BLTP3B: variants seen among roughly 807,000 people sequenced by gnomAD.
The protein encoded by BLTP3B is UHRF1 (ICBP90) binding protein 1-like.
the BLTP3B span, chr12:100,060,019 T>G: frequency 6.2e-7 from 1 of 1,605,290 alleles, no homozygotes; most frequent in Non-Finnish European, 8.5e-7. Flanking sequence ...TGCATTCAGC[T>G]GGCTATAGAG....
At chr12:100,053,362 C>A in the BLTP3B span, among the ~76,000 whole-genome samples, 1 of 151,944 alleles carries the variant, frequency 6.6e-6, no homozygotes, top group Non-Finnish European at 1.5e-5. Context: ...GAGCTGAAAT[C>A]ACACCACCGC....
chr12:100,125,287 T>C, the BLTP3B span, among the ~76,000 whole-genome samples: 2 of 142,040 alleles, frequency 1.4e-5, no homozygotes, highest in Non-Finnish European at 3.0e-5. Context: ...GAGCCAAGAT[T>C]GCGCCACTGC....
the BLTP3B span, among the ~76,000 whole-genome samples, chr12:100,041,515 C>T: frequency 7.1e-6 from 1 of 141,776 alleles, no homozygotes; most frequent in African/African-American, 2.7e-5. Context: ...CGGCTCATTG[C>T]AACCACCGCC....
At chr12:100,076,566 G>T in the BLTP3B span, among the ~76,000 whole-genome samples, 1 of 151,836 alleles carries the variant, frequency 6.6e-6, no homozygotes, top group Non-Finnish European at 1.5e-5. Context: ...GCTAATTTTT[G>T]TATTTTTACT....
At chr12:100,127,796 T>C in the BLTP3B span, among the ~76,000 whole-genome samples, 1 of 152,092 alleles carries the variant, frequency 6.6e-6, no homozygotes, top group Non-Finnish European at 1.5e-5. Flanking sequence ...GGGGACTGCT[T>C]GAGCCCAGGA....
the BLTP3B span, among the ~76,000 whole-genome samples, chr12:100,044,114 C>A: frequency 6.6e-6 from 1 of 152,150 alleles, no homozygotes; most frequent in Admixed American, 6.6e-5. Flanking sequence ...TTTAATAAGA[C>A]AGACCTGAAT....
chr12:100,107,130 A>T, the BLTP3B span, among the ~76,000 whole-genome samples: 1 of 151,062 alleles, frequency 6.6e-6, no homozygotes, highest in Non-Finnish European at 1.5e-5. Context: ...TCTACTAAAA[A>T]TACGAAAATT....
At chr12:100,120,411 A>G in the BLTP3B span, among the ~76,000 whole-genome samples, 1 of 152,044 alleles carries the variant, frequency 6.6e-6, no homozygotes, top group South Asian at 2.1e-4. Flanking sequence ...AAAATAGGCA[A>G]AAGATTTAAA....
chr12:100,054,068 G>C, the BLTP3B span, among the ~76,000 whole-genome samples: 1 of 152,036 alleles, frequency 6.6e-6, no homozygotes, highest in Non-Finnish European at 1.5e-5. Flanking sequence ...TTCTAAGATA[G>C]TCATCAAAAA....
chr12:100,046,084 T>C, the BLTP3B span, among the ~76,000 whole-genome samples: 1 of 152,112 alleles, frequency 6.6e-6, no homozygotes, highest in East Asian at 1.9e-4. Context: ...CAACAGATGC[T>C]GGAGAGGATG....
chr12:100,135,544 C>G, the BLTP3B span, among the ~76,000 whole-genome samples: 459 of 152,266 alleles, frequency 3.0e-3, 2 homozygotes, highest in Middle Eastern at 0.01. Context: ...GCTGGGATTA[C>G]AGGTGAGACA....
At chr12:100,068,258 T>C in the BLTP3B span, among the ~76,000 whole-genome samples, 1 of 152,214 alleles carries the variant, frequency 6.6e-6, no homozygotes, top group South Asian at 2.1e-4. Flanking sequence ...AAGGACACAC[T>C]TTTCAACAAA....
the BLTP3B span, among the ~76,000 whole-genome samples, chr12:100,053,303 G>A: frequency 1.3e-5 from 2 of 151,488 alleles, no homozygotes; most frequent in African/African-American, 4.9e-5. Context: ...TATTCAGGAG[G>A]CTGAGGAGGC....
chr12:100,096,208 A>G, the BLTP3B span, among the ~76,000 whole-genome samples: 7 of 152,048 alleles, frequency 4.6e-5, no homozygotes, highest in Non-Finnish European at 8.8e-5. Flanking sequence ...GAGCAGAGAT[A>G]GTGCCATTGC....
At chr12:100,052,695 T>C in the BLTP3B span, among the ~76,000 whole-genome samples, 3 of 152,020 alleles carry the variant, frequency 2.0e-5, no homozygotes, top group African/African-American at 7.2e-5. Flanking sequence ...ATGTTAAGGA[T>C]TTTAACTTAA....
At chr12:100,133,968 T>C in the BLTP3B span, among the ~76,000 whole-genome samples, 1 of 152,186 alleles carries the variant, frequency 6.6e-6, no homozygotes, top group East Asian at 1.9e-4. Flanking sequence ...TCTCTGACCA[T>C]GACTAATTTA....
chr12:100,053,687 A>G, the BLTP3B span, among the ~76,000 whole-genome samples: 168 of 152,264 alleles, frequency 1.1e-3, no homozygotes, highest in African/African-American at 3.6e-3. Context: ...CCAAAAGTTG[A>G]CGGTAGTTAC....
the BLTP3B span, among the ~76,000 whole-genome samples, chr12:100,137,938 C>T: frequency 6.6e-6 from 1 of 152,110 alleles, no homozygotes; most frequent in East Asian, 1.9e-4. Flanking sequence ...CATGGGTAGA[C>T]AAAACTGGGT....
At chr12:100,057,684 A>C in the BLTP3B span, 1 of 1,612,280 alleles carries the variant, frequency 6.2e-7, no homozygotes, top group Non-Finnish European at 8.5e-7. Flanking sequence ...GCTTCTTTTC[A>C]TATTCTTATA....
Sources: allele counts gnomAD v4.1 joint callset (sites outside exome capture counted in the v4.1 genomes callset), GRCh38; gene constraint gnomAD v4.1.1; transcripts MANE v1.5; gene names NCBI Gene and HGNC (gene_info 2026-07-23, HGNC 2026-07-21).